PDE12: variants seen among roughly 807,000 people sequenced by gnomAD.
PDE12 encodes the protein 2',5'-phosphodiesterase 12.
A neutral mutation model predicts 45.4 loss-of-function variants in PDE12; 26 were observed. The observed-to-expected ratio is 0.57, with a 90% CI of 0.42 to 0.79. The LOEUF is 0.79. Ranked by LOEUF, PDE12 falls within the 30% of genes least tolerant of loss-of-function variation. The pLI is 0.00. For missense variants in PDE12, 668 were observed against 790.0 expected, an observed-to-expected ratio of 0.85 and a Z score of 1.85; for synonymous variants, 283 against 323.9, an observed-to-expected ratio of 0.87 and a Z score of 1.36.
the PDE12 span, among the ~76,000 whole-genome samples, chr3:57,601,213 G>A: frequency 4.6e-5 from 7 of 151,926 alleles, no homozygotes; most frequent in Admixed American, 6.6e-5. Context: ...GGGTTCCAGC[G>A]ATTCTCCTGT....
chr3:57,603,413 C>G, the PDE12 span, among the ~76,000 whole-genome samples: 1 of 151,988 alleles, frequency 6.6e-6, no homozygotes, highest in East Asian at 1.9e-4. Context: ...CTTTGGCTCA[C>G]TACAACCTCT....
Position 57,556,497 on chromosome 3 carries a change from G to T in PDE12, c.118G>T (p.Val40Leu). The T allele has an allele frequency of 6.2e-7, 1 of 1,613,336 alleles. No individual in the cohort carries two copies. Among genetic ancestry groups the T allele is most frequent in the South Asian group, 1.1e-5 (1 of 91,088 alleles). Residue 40 changes from valine (V) to leucine (L), a missense_variant, in exon 1 of 3, where the codon GTG becomes TTG. Around this residue, in one of 3 missense-constraint regions of PDE12, gnomAD observed 580 missense variants for 662.9 expected, o/e 0.87. Coordinates refer to ENST00000311180, the MANE Select transcript of PDE12 (RefSeq NM_177966.7). This position sits in a 1 kb window ranked among gnomAD's most constrained non-coding sequence, Gnocchi z 5.0. ...GGCGGGAGCGATGGAGCGCGCTGTA[G>T]TGCGCTGCGTACCTTCGGAACCCAA... ...TAAGAMERAV[V>L]RCVPSEPKLS...
the PDE12 span, among the ~76,000 whole-genome samples, chr3:57,640,289 A>C: frequency 2.7e-5 from 4 of 148,140 alleles, no homozygotes; most frequent in African/African-American, 7.5e-5. Flanking sequence ...AACAAAAAAA[A>C]ACAAAAAACA....
At chr3:57,587,302 A>T in the PDE12 span, among the ~76,000 whole-genome samples, 1 of 148,526 alleles carries the variant, frequency 6.7e-6, no homozygotes, top group Admixed American at 6.9e-5. Context: ...CTGGACAACA[A>T]GAGCGGAACT....
At chr3:57,606,186 G>A in the PDE12 span, among the ~76,000 whole-genome samples, 1 of 152,134 alleles carries the variant, frequency 6.6e-6, no homozygotes, top group Non-Finnish European at 1.5e-5. Flanking sequence ...AAAGTGTATT[G>A]CTATCAAATA....
chr3:57,572,178 T>C, the PDE12 span: 1 of 1,565,572 alleles, frequency 6.4e-7, no homozygotes, highest in Admixed American at 1.7e-5. Context: ...ACCAATTTTA[T>C]CAAACATGTC....
At chr3:57,577,407 G>A in the PDE12 span, 1 of 1,603,110 alleles carries the variant, frequency 6.2e-7, no homozygotes, top group African/African-American at 1.3e-5. Flanking sequence ...AATTGTTTCA[G>A]TAAATTTTAA....
chr3:57,631,716 CTTTTTTTTT>C, the PDE12 span, among the ~76,000 whole-genome samples: 5 of 92,016 alleles, frequency 5.4e-5, no homozygotes, highest in Non-Finnish European at 8.3e-5. Flanking sequence ...TCTCTGCTCT[CTTTTTTTTT>C]TTTTTTTTTT....
chr3:57,633,372 T>C, the PDE12 span: 2 of 1,586,796 alleles, frequency 1.3e-6, no homozygotes, highest in Non-Finnish European at 1.7e-6. Flanking sequence ...GAGGAAATAA[T>C]GAGAATCTGT....
the PDE12 span, among the ~76,000 whole-genome samples, chr3:57,594,714 T>C: frequency 6.6e-6 from 1 of 152,226 alleles, no homozygotes; most frequent in African/African-American, 2.4e-5. Context: ...CAGGAGGGCA[T>C]GAATCTTATC....
the PDE12 span, among the ~76,000 whole-genome samples, chr3:57,647,761 A>G: frequency 8.0e-5 from 12 of 149,392 alleles, no homozygotes; most frequent in African/African-American, 2.9e-4. Context: ...TGGTGTTGAG[A>G]GTCAGAGCCC....
chr3:57,603,495 G>A, the PDE12 span, among the ~76,000 whole-genome samples: 11 of 151,278 alleles, frequency 7.3e-5, no homozygotes, highest in Non-Finnish European at 1.6e-4. Flanking sequence ...GAGCCACCAC[G>A]CCTGGCTAAT....
At chr3:57,570,233 TTTTTTTG>T (rs1346025313), downstream of PDE12, among the ~76,000 whole-genome samples, 2 of 146,642 alleles carry the variant, frequency 1.4e-5, no homozygotes, top group East Asian at 2.0e-4. Flanking sequence ...TTTTTTTTTT[TTTTTTTG>T]GAGACAGAGT....
chr3:57,592,549 T>G, the PDE12 span, among the ~76,000 whole-genome samples: 113,778 of 152,018 alleles, frequency 0.75, 44,681 homozygotes, highest in East Asian at 1. Flanking sequence ...AGGCCACCAG[T>G]TATACGGAAA....
the PDE12 span, among the ~76,000 whole-genome samples, chr3:57,608,797 T>TA: frequency 6.6e-6 from 1 of 152,158 alleles, no homozygotes; most frequent in South Asian, 2.1e-4. Flanking sequence ...CGGGAGCCTT[T>TA]AACACCCCAC....
At chr3:57,629,426 T>C in the PDE12 span, among the ~76,000 whole-genome samples, 1,972 of 151,262 alleles carry the variant, frequency 0.013, 46 homozygotes, top group African/African-American at 0.045. Flanking sequence ...TAAATGAAAG[T>C]GAGACTATTC....
the PDE12 span, among the ~76,000 whole-genome samples, chr3:57,622,230 C>T: frequency 2.6e-5 from 4 of 152,114 alleles, no homozygotes; most frequent in East Asian, 7.7e-4. Context: ...ATAGAGAACT[C>T]TCAAGGCACA....
At chr3:57,630,693 A>T in the PDE12 span, 1 of 1,605,252 alleles carries the variant, frequency 6.2e-7, no homozygotes, top group Non-Finnish European at 8.5e-7. Context: ...ACATGGGTGT[A>T]AAACAGGGAA....
chr3:57,620,114 C>T, the PDE12 span, among the ~76,000 whole-genome samples: 4 of 151,908 alleles, frequency 2.6e-5, no homozygotes, highest in Admixed American at 2.0e-4. Context: ...CCCAGCTACT[C>T]GGGAGGCTGA....
Sources: allele counts gnomAD v4.1 joint callset (sites outside exome capture counted in the v4.1 genomes callset), GRCh38; gene constraint gnomAD v4.1.1; regional missense constraint gnomAD v4.1.1; non-coding constraint Gnocchi (gnomAD v3.1); transcripts MANE v1.5; gene names NCBI Gene and HGNC (gene_info 2026-07-23, HGNC 2026-07-21).